DNAJA4: variants seen among roughly 807,000 people sequenced by gnomAD.
DNAJA4 encodes the protein dnaJ homolog subfamily A member 4.
In DNAJA4, 32 loss-of-function variants were observed where a neutral mutation model predicts 39.7. The observed-to-expected ratio is 0.81, with a 90% CI of 0.61 to 1.08. The LOEUF (loss-of-function observed/expected upper bound fraction) is 1.08, where lower values mean the gene tolerates loss of function less well. Among genes scored for constraint, DNAJA4 ranks in the 50% least tolerant of loss-of-function variants. DNAJA4 has a pLI of 0.00. For synonymous variants in DNAJA4, 184 were observed against 182.4 expected, an observed-to-expected ratio of 1.01 and a Z score of -0.07; for missense variants, 439 against 505.1, an observed-to-expected ratio of 0.87 and a Z score of 1.25.
Position 78,264,810 on chromosome 15 carries a change from G to T in DNAJA4, c.47G>T (p.Ser16Ile). Reference sequence around the variant, plus strand: ...TATGACATCCTGGGCGTGAAGCCCAGCGCGTCCCCGGAGGAGATCAAGAAG... The same window carrying T: ...TATGACATCCTGGGCGTGAAGCCCATCGCGTCCCCGGAGGAGATCAAGAAG... Reference protein sequence around the residue: ...QYYDILGVKPSASPEEIKKAY... With the variant: ...QYYDILGVKPIASPEEIKKAY... The change falls in exon 1 of 7, where the codon AGC becomes ATC. Residue 16 changes from serine (S) to isoleucine (I), a missense_variant. By Grantham distance (142) the Ser-to-Ile change is moderately radical. Coordinates refer to ENST00000394852, the MANE Select transcript of DNAJA4 (RefSeq NM_001130182.2). The T allele has an allele frequency of 6.2e-7, 1 of 1,610,818 alleles. No individual in the cohort carries two copies. Among genetic ancestry groups the T allele is most frequent in the Non-Finnish European group, 8.5e-7 (1 of 1,178,370 alleles).
rs1371085769 is a variant in DNAJA4 at position 78,273,205 on chromosome 15, A to G, written c.418+6A>G. ...AATTTGTGAGAAATGTGAAGGTAAA[A>G]ATTAATTTTTGACTGAACCGCACAG... is the stretch of plus-strand genomic sequence containing the variant. On this transcript the variant is annotated splice_donor_region_variant and intron_variant, in intron 3 of 6. Transcript: ENST00000394852. 1.3e-6 allele frequency: 2 copies of G among 1,548,050 alleles called. No individual in the cohort carries two copies. The highest frequency in any genetic ancestry group is 3.3e-5 in the Admixed American group (2 of 59,894).
chr15:78,269,240 G>A (rs1014404961), intron 1 of DNAJA4, among the ~76,000 whole-genome samples: 1 of 152,204 alleles, frequency 6.6e-6, no homozygotes, highest in Non-Finnish European at 1.5e-5. Context: ...GGCTCGAGTG[G>A]AGAACACACT....
At chr15:78,273,602 A>T (rs2049364111) in intron 3 of DNAJA4, among the ~76,000 whole-genome samples, 1 of 152,156 alleles carries the variant, frequency 6.6e-6, no homozygotes, top group Non-Finnish European at 1.5e-5. Context: ...CAGGCCATGG[A>T]GTCTTTTGTA....
rs761199126 is a variant in DNAJA4 at position 78,274,406 on chromosome 15, G to A, written c.628G>A (p.Glu210Lys). ...GGTGATCCGTGAGAAGAAGATTATC[G>A]AGGTACATGTTGAAAAAGGTGAGGC... Reference protein sequence around the residue: ...AKVIREKKIIEVHVEKGMKDG... With the variant: ...AKVIREKKIIKVHVEKGMKDG... The change falls in exon 4 of 7, where the codon GAG becomes AAG. Residue 210 changes from glutamate to lysine, a missense_variant. Transcript: ENST00000394852. 7.2e-5 allele frequency: 116 copies of A among 1,613,952 alleles called. 2 individuals are homozygous for A. In the East Asian group the frequency reaches 2.2e-3, roughly 30 times the overall value.
rs559928356 is a variant in DNAJA4 at position 78,279,903 on chromosome 15, G to A, written c.878-142G>A. On this transcript the variant is annotated intron_variant, in intron 5 of 6. Transcript: ENST00000394852. The surrounding 1 kb of genome is among the most constrained non-coding windows in gnomAD (Gnocchi z 4.5). ...CCTGACAAGGATACCTGGGATTGGG[G>A]CCAGCTTTCCAGTCAGATGCCACGT... 1.1e-5 allele frequency: 8 copies of A among 708,022 alleles called. No homozygotes were observed. In the East Asian group the frequency reaches 2.1e-4, roughly 19 times the overall value. 43.9% of individuals were successfully genotyped at this position (708,022 alleles called of 1,614,324 possible).
In DNAJA4 at chr15:78,269,354, G is replaced by A. The variant is rs749989346; in HGVS notation, c.133-1143G>A. Reference sequence around the variant, plus strand: ...AGCCAGAGTGGATGTGGTGTGGTAAGAAGGAACAGATCTTGCATGTTTTCG... The same window carrying A: ...AGCCAGAGTGGATGTGGTGTGGTAAAAAGGAACAGATCTTGCATGTTTTCG... On this transcript the variant is annotated intron_variant, in intron 1 of 6. Transcript: ENST00000394852. Among the ~76,000 whole-genome samples the A allele has an allele frequency of 2.6e-5, 4 of 152,274 alleles. No homozygotes were observed. In the South Asian group the frequency reaches 8.3e-4, roughly 32 times the overall value.
intron 1 of DNAJA4, among the ~76,000 whole-genome samples, chr15:78,269,579 G>A (rs970507736): frequency 1.3e-5 from 2 of 152,132 alleles, no homozygotes; most frequent in East Asian, 1.9e-4. Flanking sequence ...TAAGTGCTGC[G>A]TGTTTCTCTT....
intron 2 of DNAJA4, among the ~76,000 whole-genome samples, chr15:78,271,618 C>T (rs2049300447): frequency 6.6e-6 from 1 of 152,138 alleles, no homozygotes; most frequent in African/African-American, 2.4e-5. Context: ...ACTTCTTAGC[C>T]CTTAGCTCAA....
Position 78,275,664 on chromosome 15 carries a change from T to A in DNAJA4, c.813T>A (p.Leu271=). 1 of 1,614,124 alleles carries A rather than the reference T, an allele frequency of 6.2e-7. No homozygotes were observed. The highest frequency in any genetic ancestry group is 8.5e-7 in the Non-Finnish European group (1 of 1,179,998). The change falls in exon 5 of 7, where the codon CTT becomes CTA. Residue 271 remains leucine, a synonymous_variant. Coordinates refer to ENST00000394852, the MANE Select transcript of DNAJA4 (RefSeq NM_001130182.2). ...TGAAAATTCAGCTTTCTGAAGCTCT[T>A]TGTGGCTTCAAGAAGACGATAAAAA... The part of the protein sequence containing the change: ...MKMKIQLSEA[L]CGFKKTIKTL...
At position 78,275,543 on chromosome 15, in the gene DNAJA4, A is replaced by AGGAGCCTGAGCT; in HGVS notation, c.701_712dup (p.Glu234_Pro237dup). On this transcript the variant is annotated inframe_insertion, in exon 5 of 7. Coordinates refer to ENST00000394852, the MANE Select transcript of DNAJA4 (RefSeq NM_001130182.2). ...ATACTATTTCATGGAGAAGGAGATC[A>AGGAGCCTGAGCT]GGAGCCTGAGCTGGAGCCTGGTGAT... 1.2e-6 allele frequency: 2 copies of AGGAGCCTGAGCT among 1,614,222 alleles called. No homozygotes were observed. Among genetic ancestry groups the AGGAGCCTGAGCT allele is most frequent in the Non-Finnish European group, 1.7e-6 (2 of 1,180,026 alleles).
At chr15:78,269,622 T>C (rs1277800078) in intron 1 of DNAJA4, among the ~76,000 whole-genome samples, 2 of 152,198 alleles carry the variant, frequency 1.3e-5, no homozygotes, top group African/African-American at 4.8e-5. Context: ...ATAACCATAG[T>C]AAAGTTATCA....
chr15:78,264,233 G>A, upstream of DNAJA4: 2 of 1,069,796 alleles, frequency 1.9e-6, no homozygotes, highest in Non-Finnish European at 2.5e-6. Context: ...CCCACGGAAG[G>A]GCAAGGGGGC....
chr15:78,270,407 C>T (rs1243879631), intron 1 of DNAJA4, 90 bp from the exon 2 acceptor site: 1 of 1,380,828 alleles, frequency 7.2e-7, no homozygotes, highest in Non-Finnish European at 9.9e-7. Context: ...GGGCAGAATA[C>T]CTCTATTACT....
intron 1 of DNAJA4, among the ~76,000 whole-genome samples, chr15:78,269,858 T>C (rs1180757374): frequency 1.3e-5 from 2 of 152,194 alleles, no homozygotes; most frequent in African/African-American, 2.4e-5. Flanking sequence ...GCAGGAATGC[T>C]ACACATGGGA....
At chr15:78,272,177 A>G (rs2049317562) in intron 2 of DNAJA4, among the ~76,000 whole-genome samples, 2 of 152,132 alleles carry the variant, frequency 1.3e-5, no homozygotes, top group African/African-American at 4.8e-5. Context: ...TCTACTAAAA[A>G]ATACAAAAAC....
In DNAJA4 at chr15:78,280,690, A is replaced by C; in HGVS notation, c.*230A>C. Reference sequence around the variant, plus strand: ...TAAATCACCTCTAGTCTGCATATGGAATCTGTTCATTTCTATTTTCAGGAT... The same window carrying C: ...TAAATCACCTCTAGTCTGCATATGGCATCTGTTCATTTCTATTTTCAGGAT... On this transcript the variant is annotated 3_prime_UTR_variant, in exon 7 of 7. Coordinates refer to ENST00000394852, the MANE Select transcript of DNAJA4 (RefSeq NM_001130182.2). The C allele has an allele frequency of 4.3e-6, 2 of 468,184 alleles. No homozygotes were observed. The highest frequency in any genetic ancestry group is 7.5e-6 in the Non-Finnish European group (2 of 264,966). The allele number at this position is 468,184 out of a possible 1,614,324, so 29.0% of individuals were successfully genotyped here.
Position 78,270,604 on chromosome 15 carries a change from C to T in DNAJA4, c.240C>T (p.Pro80=), listed in dbSNP as rs762821375. ...QAIKEGGSGS[P]SFSSPMDIFD... ...TTAAAGAAGGAGGCTCAGGCAGCCC[C>T]AGCTTCTCTTCACCCATGGACATCT... Residue 80 remains proline (P), a synonymous_variant, in exon 2 of 7, where the codon CCC becomes CCT. Coordinates refer to ENST00000394852, the MANE Select transcript of DNAJA4 (RefSeq NM_001130182.2). The T allele has an allele frequency of 1.9e-6, 3 of 1,614,088 alleles. No individual in the cohort carries two copies. Among genetic ancestry groups the T allele is most frequent in the Admixed American group, 3.3e-5 (2 of 60,002 alleles).
intron 5 of DNAJA4, among the ~76,000 whole-genome samples, chr15:78,276,830 C>T (rs1275227417): frequency 1.3e-5 from 2 of 152,232 alleles, no homozygotes; most frequent in African/African-American, 4.8e-5. Context: ...AGATAAGACT[C>T]AAGTCTGGTG....
intron 4 of DNAJA4, chr15:78,275,273 C>A: frequency 1.8e-6 from 1 of 551,526 alleles, no homozygotes; most frequent in Admixed American, 3.1e-5. Flanking sequence ...GCCGCATTCC[C>A]CCACTCCCTG....
Sources: allele counts gnomAD v4.1 joint callset (sites outside exome capture counted in the v4.1 genomes callset), GRCh38; gene constraint gnomAD v4.1.1; non-coding constraint Gnocchi (gnomAD v3.1); transcripts MANE v1.5; gene names NCBI Gene and HGNC (gene_info 2026-07-23, HGNC 2026-07-21).